The following UBA52 variants were observed in gnomAD, a reference collection of about 807,000 sequenced individuals.
UBA52 encodes ubiquitin A-52 residue ribosomal protein fusion product 1.
UBA52 carries 1 observed loss-of-function variant against 15.3 expected under a neutral mutation model. That is an observed-to-expected ratio of 0.07 (90% CI 0.02 to 0.31). UBA52 has a LOEUF of 0.31. Among genes scored for constraint, UBA52 ranks in the 10% least tolerant of loss-of-function variants. UBA52 has a pLI of 1.00. For missense variants in UBA52, 87 were observed against 168.0 expected (o/e 0.52, Z 2.66); for synonymous variants, 50 against 58.3 (o/e 0.86, Z 0.65).
intron 3 of UBA52, among the ~76,000 whole-genome samples, 184 bp from the exon 4 acceptor site, chr19:18,574,686 G>C (rs1975694403): frequency 6.6e-6 from 1 of 152,192 alleles, no homozygotes; most frequent in Admixed American, 6.5e-5. Flanking sequence ...CTGAGATGGA[G>C]ATTTCCTGGG....
intron 1 of UBA52, 164 bp downstream of exon 1, chr19:18,572,073 G>A (rs1291396226): frequency 6.6e-6 from 1 of 152,336 alleles, no homozygotes; most frequent in Non-Finnish European, 1.5e-5. Flanking sequence ...CCCAGGAGGC[G>A]AGCGCCGTTT....
rs1324278153 is a variant in UBA52, at chr19:18,577,348, G to GT, written c.*2199dup. The GT allele has an allele frequency of 6.6e-6, 1 of 152,140 alleles. No homozygotes were observed. Among genetic ancestry groups the GT allele is most frequent in the Non-Finnish European group, 1.5e-5 (1 of 68,032 alleles). The allele number at this position is 152,140 out of a possible 1,614,324, so 9.4% of individuals were successfully genotyped here. A position where few individuals can be genotyped will look rare whatever the true frequency, so the allele number is the denominator to read the frequency against. ...GACAAAAAGAAAGAAAGGGGAGGGA[G>GT]TAACAGGGATATGAGCTCTAGCCGC... On this transcript the variant is annotated 3_prime_UTR_variant, in exon 5 of 5. Transcript: ENST00000442744.
chr19:18,563,851 C>A, the UBA52 span, among the ~76,000 whole-genome samples: 2 of 151,060 alleles, frequency 1.3e-5, no homozygotes, highest in Admixed American at 6.6e-5. Flanking sequence ...GTTGGCCAGA[C>A]CTCAAGTGAT....
rs751917056 is a variant in UBA52 at position 18,573,763 on chromosome 19, G to T, written c.190+15G>T. 6.2e-7 allele frequency: 1 copy of T among 1,613,126 alleles called. No individual in the cohort carries two copies. Among genetic ancestry groups the T allele is most frequent in the Admixed American group, 1.7e-5 (1 of 59,864 alleles). On this transcript the variant is annotated intron_variant, in intron 3 of 4. Transcript: ENST00000442744. The stretch of plus-strand genomic sequence containing the variant: ...CATCCAGAAAGGTACCGGGGTTGGG[G>T]TTGCTGGGCAGGGACCCAAGATCCC...
the UBA52 span, chr19:18,565,166 T>C: frequency 7.0e-7 from 1 of 1,438,796 alleles, no homozygotes; most frequent in Non-Finnish European, 9.1e-7. Flanking sequence ...CTGGGACAAT[T>C]CCAACCCTGG....
chr19:18,575,436 T>C lies in UBA52; in HGVS notation c.*286T>C. On this transcript the variant is annotated 3_prime_UTR_variant, in exon 5 of 5. Transcript: ENST00000442744. Reference sequence around the variant, plus strand: ...TGTAAAACTGGAGTAAAAACCTCAGTCGTGTAATTGGTGGGACTGAGGATC... The same window carrying C: ...TGTAAAACTGGAGTAAAAACCTCAGCCGTGTAATTGGTGGGACTGAGGATC... 2.3e-6 allele frequency: 1 copy of C among 440,354 alleles called. No homozygotes were observed. Among genetic ancestry groups the C allele is most frequent in the East Asian group, 4.6e-5 (1 of 21,870 alleles). The allele number at this position is 440,354 out of a possible 1,614,324, so 27.3% of individuals were successfully genotyped here. A position where few individuals can be genotyped will look rare whatever the true frequency, so the allele number is the denominator to read the frequency against.
upstream of UBA52, chr19:18,569,257 G>T (rs1005702912): frequency 6.5e-6 from 1 of 152,884 alleles, no homozygotes; most frequent in African/African-American, 2.4e-5. Flanking sequence ...CTCTCTGAAG[G>T]CCTCCATGGA....
upstream of UBA52, chr19:18,568,395 C>A: frequency 6.2e-7 from 1 of 1,608,078 alleles, no homozygotes; most frequent in East Asian, 2.2e-5. Flanking sequence ...GGGCCTCCTT[C>A]CCCCAGATAT....
chr19:18,567,162 C>T (rs113127363), upstream of UBA52: 5,007 of 1,614,162 alleles, frequency 3.1e-3, 152 homozygotes, highest in African/African-American at 0.058. Context: ...CCAGGCAGCA[C>T]CCAGAGGCCT....
upstream of UBA52, chr19:18,568,338 A>G (rs1975362991): frequency 8.0e-7 from 1 of 1,254,016 alleles, no homozygotes; most frequent in African/African-American, 1.5e-5. Context: ...CACATGGACA[A>G]TAAGTCCTAC....
chr19:18,573,079 C>G, intron 1 of UBA52: 1 of 1,285,004 alleles, frequency 7.8e-7, no homozygotes, highest in Non-Finnish European at 1.0e-6. Flanking sequence ...GACATGTGGT[C>G]TTTAGTTCCA....
chr19:18,573,558 G>C, intron 2 of UBA52, 104 bp from the exon 3 acceptor site: 2 of 1,377,426 alleles, frequency 1.5e-6, no homozygotes, highest in Non-Finnish European at 1.0e-6. Flanking sequence ...TTCTACCTCA[G>C]TTGGCCTTTT....
the UBA52 span, among the ~76,000 whole-genome samples, chr19:18,564,017 G>C: frequency 6.6e-6 from 1 of 152,056 alleles, no homozygotes. Context: ...CTCCCGAGTA[G>C]CTGGGATTAC....
chr19:18,565,026 G>A, the UBA52 span: 12 of 1,569,440 alleles, frequency 7.6e-6, no homozygotes, highest in Non-Finnish European at 1.0e-5. Context: ...TATCAGGTGG[G>A]TGCTCAGTGC....
rs886316532 is a variant in UBA52, at chr19:18,575,576, G to A, written c.*426G>A. 2.8e-4 allele frequency: 57 copies of A among 205,396 alleles called. No individual in the cohort carries two copies. The highest frequency in any genetic ancestry group is 4.2e-4 in the Admixed American group (8 of 18,940). The allele number at this position is 205,396 out of a possible 1,614,324, so 12.7% of individuals were successfully genotyped here. ...AAAATTAGGTACACCCAATGGTGTAGAACGTTGATTCTCAAATTTTTTTAT... is the reference window on the plus strand; with the variant it reads ...AAAATTAGGTACACCCAATGGTGTAAAACGTTGATTCTCAAATTTTTTTAT... On this transcript the variant is annotated 3_prime_UTR_variant, in exon 5 of 5. Coordinates refer to ENST00000442744, the MANE Select transcript of UBA52 (RefSeq NM_001033930.3).
chr19:18,573,189 C>A, intron 1 of UBA52, 104 bp from the exon 2 acceptor site: 4 of 1,218,830 alleles, frequency 3.3e-6, no homozygotes, highest in South Asian at 1.4e-5. Flanking sequence ...ACCAGTTGGA[C>A]TTGGTGCAGG....
intron 1 of UBA52, chr19:18,572,276 C>T (rs1975531242): frequency 6.6e-6 from 1 of 152,258 alleles, no homozygotes; most frequent in African/African-American, 2.4e-5. Context: ...GGCTCCATTA[C>T]TACGTCTGTA....
Position 18,576,664 on chromosome 19 carries a change from T to C in UBA52, c.*1514T>C, listed in dbSNP as rs574488983. The C allele has an allele frequency of 6.6e-6, 1 of 150,654 alleles. No individual in the cohort carries two copies. Among genetic ancestry groups the C allele is most frequent in the African/African-American group, 2.4e-5 (1 of 41,058 alleles). The allele number at this position is 150,654 out of a possible 1,614,324, so 9.3% of individuals were successfully genotyped here. On this transcript the variant is annotated 3_prime_UTR_variant, in exon 5 of 5. Coordinates refer to ENST00000442744, the MANE Select transcript of UBA52 (RefSeq NM_001033930.3). Reference sequence around the variant, plus strand: ...GTTTAGTTTTGGTTTTTTATCACTTTTTTTTTTTTTTTTTGAGATGGAGCC... The same window carrying C: ...GTTTAGTTTTGGTTTTTTATCACTTCTTTTTTTTTTTTTTGAGATGGAGCC...
At chr19:18,564,975 C>G in the UBA52 span, 2 of 1,611,280 alleles carry the variant, frequency 1.2e-6, no homozygotes, top group Non-Finnish European at 1.7e-6. Flanking sequence ...CACGAGGACC[C>G]TAGTAGAGAT....
Sources: allele counts gnomAD v4.1 joint callset (sites outside exome capture counted in the v4.1 genomes callset), GRCh38; gene constraint gnomAD v4.1.1; transcripts MANE v1.5; gene names NCBI Gene and HGNC (gene_info 2026-07-23, HGNC 2026-07-21).